HSPA12A: variants seen among roughly 807,000 people sequenced by gnomAD.
HSPA12A encodes heat shock protein family A (Hsp70) member 12A.
A neutral mutation model predicts 69.2 loss-of-function variants in HSPA12A; 28 were observed. The ratio of observed to expected loss-of-function variants is 0.40; its 90% CI spans 0.30 to 0.55. The LOEUF (loss-of-function observed/expected upper bound fraction) is 0.55. Among genes scored for constraint, HSPA12A ranks in the 20% least tolerant of loss-of-function variants. The pLI, the probability that HSPA12A is intolerant of heterozygous loss-of-function variation, is 0.38. For synonymous variants in HSPA12A, 345 were observed against 370.5 expected (o/e 0.93, Z 0.79); for missense variants, 686 against 900.7 (o/e 0.76, Z 3.05).
At chr10:116,715,185 CAG>C (rs1391733549) in intron 1 of HSPA12A, among the ~76,000 whole-genome samples, 2 of 152,192 alleles carry the variant, frequency 1.3e-5, no homozygotes, top group Non-Finnish European at 2.9e-5. Context: ...GTCTCACCCC[CAG>C]AGTTTCTCAT....
At chr10:116,752,483 C>T (rs1263496886) in intron 2 of HSPA12A, among the ~76,000 whole-genome samples, 1 of 152,186 alleles carries the variant, frequency 6.6e-6, no homozygotes, top group Non-Finnish European at 1.5e-5. Flanking sequence ...TGTGCTGCAA[C>T]ATAAAATCTA....
At chr10:116,755,603 C>T (rs1402567529) in intron 2 of HSPA12A, among the ~76,000 whole-genome samples, 2 of 117,412 alleles carry the variant, frequency 1.7e-5, no homozygotes, top group African/African-American at 7.0e-5. Flanking sequence ...AAGAGTGAGA[C>T]TGTCTCAAAA....
At chr10:116,746,823 CTTTTA>C (rs1464522870), upstream of HSPA12A, among the ~76,000 whole-genome samples, 2 of 152,098 alleles carry the variant, frequency 1.3e-5, no homozygotes, top group Non-Finnish European at 2.9e-5. Context: ...TTTAATTTTT[CTTTTA>C]TGTTTTTGTT....
chr10:116,775,238 C>T (rs1844309510), intron 2 of HSPA12A, among the ~76,000 whole-genome samples: 1 of 152,210 alleles, frequency 6.6e-6, no homozygotes, highest in African/African-American at 2.4e-5. Context: ...CCTCAGGACT[C>T]CCATTTTACA....
intron 1 of HSPA12A, among the ~76,000 whole-genome samples, chr10:116,714,092 T>A (rs925017325): frequency 6.6e-6 from 1 of 151,298 alleles, no homozygotes. Flanking sequence ...AGTGGATGGA[T>A]GGACGGATGG....
At chr10:116,707,588 G>A (rs1452052267) in intron 1 of HSPA12A, among the ~76,000 whole-genome samples, 1 of 152,200 alleles carries the variant, frequency 6.6e-6, no homozygotes, top group Non-Finnish European at 1.5e-5. Context: ...CGAAAGCTCC[G>A]CTCCTGGCTG....
rs1347026554 is a variant in HSPA12A at position 116,723,413 on chromosome 10, G to A, written c.41-16128C>T. Among the ~76,000 whole-genome samples the A allele has an allele frequency of 2.6e-5, 4 of 152,170 alleles. No homozygotes were observed. Among genetic ancestry groups the A allele is most frequent in the Non-Finnish European group, 5.9e-5 (4 of 68,024 alleles). On this transcript the variant is annotated intron_variant, in intron 1 of 11. Coordinates refer to ENST00000369209, the MANE Select transcript of HSPA12A (RefSeq NM_025015.3). This position sits in a 1 kb window ranked among gnomAD's most constrained non-coding sequence, Gnocchi z 4.1. ...GCACAGCCCCAAGCTGTTCTTCCAG[G>A]GGCAGGGGACGGGGCTGAGGACCCC...
chr10:116,742,949 G>GC, upstream of HSPA12A, among the ~76,000 whole-genome samples: 1 of 152,262 alleles, frequency 6.6e-6, no homozygotes, highest in African/African-American at 2.4e-5. Flanking sequence ...AGCCCAGCGC[G>GC]CCCGGCGCTC....
chr10:116,742,424 G>C lies in HSPA12A; in HGVS notation c.40+6C>G. ...CGCGGCCGCAGGACCCGCAGCCTGC[G>C]CTCACCTCGGGGCCCGTCGCTGCCG... On this transcript the variant is annotated splice_donor_region_variant and intron_variant, in intron 1 of 11. Coordinates refer to ENST00000369209, the MANE Select transcript of HSPA12A (RefSeq NM_025015.3). The C allele has an allele frequency of 7.0e-7, 1 of 1,434,122 alleles. No homozygotes were observed. Among genetic ancestry groups the C allele is most frequent in the South Asian group, 1.3e-5 (1 of 75,200 alleles). The allele number at this position is 1,434,122 out of a possible 1,614,324, so 88.8% of individuals were successfully genotyped here.
At position 116,672,330 on chromosome 10, in the gene HSPA12A, T is replaced by C. The variant is rs1246810906; in HGVS notation, c.*2451A>G. On this transcript the variant is annotated 3_prime_UTR_variant, in exon 12 of 12. Transcript: ENST00000369209. ...TCTTAGGTTGTTCTGCGCAGTCACA[T>C]GGCTTCCAGAACCAGAACGTTCAGC... The C allele has an allele frequency of 1.3e-5, 2 of 152,226 alleles. No individual in the cohort carries two copies. The highest frequency in any genetic ancestry group is 2.9e-5 in the Non-Finnish European group (2 of 68,040). 9.4% of individuals were successfully genotyped at this position (152,226 alleles called of 1,614,324 possible).
At chr10:116,849,976 T>A (rs117310842), upstream of HSPA12A, 8,341 of 682,600 alleles carry the variant, frequency 0.012, 71 homozygotes, top group Non-Finnish European at 0.018. Flanking sequence ...GCTAGGCGTA[T>A]TTGACCTGCA....
chr10:116,686,158 A>G lies in HSPA12A; in HGVS notation c.664-2196T>C, dbSNP rs1470765117. 1.3e-5 allele frequency among the ~76,000 whole-genome samples: 2 copies of G among 152,152 alleles called. No individual in the cohort carries two copies. Among genetic ancestry groups the G allele is most frequent in the Non-Finnish European group, 2.9e-5 (2 of 68,038 alleles). ...TCACAGGGTCACATTAGACATCCTT[A>G]GCACAAACATGGCTGGAGGTTAAAG... On this transcript the variant is annotated intron_variant, in intron 6 of 11. Coordinates refer to ENST00000369209, the MANE Select transcript of HSPA12A (RefSeq NM_025015.3). The surrounding 1 kb of genome is among the most constrained non-coding windows in gnomAD (Gnocchi z 4.1).
intron 1 of HSPA12A, among the ~76,000 whole-genome samples, chr10:116,736,648 G>A (rs553779778): frequency 5.8e-4 from 89 of 152,320 alleles, no homozygotes; most frequent in Non-Finnish European, 1.0e-3. Flanking sequence ...AGGGGCTGGA[G>A]TGATGGGCTT....
intron 2 of HSPA12A, among the ~76,000 whole-genome samples, chr10:116,760,106 A>C (rs543786394): frequency 1.3e-5 from 2 of 152,222 alleles, no homozygotes; most frequent in Non-Finnish European, 2.9e-5. Flanking sequence ...TCATTCTGCC[A>C]GAGCAGCACC....
chr10:116,733,785 T>G (rs1851231973), intron 1 of HSPA12A, among the ~76,000 whole-genome samples: 1 of 152,200 alleles, frequency 6.6e-6, no homozygotes. Flanking sequence ...AAATATTTTT[T>G]AAATGAACAC....
At chr10:116,727,084 T>C in intron 1 of HSPA12A, among the ~76,000 whole-genome samples, 1 of 152,372 alleles carries the variant, frequency 6.6e-6, no homozygotes, top group Middle Eastern at 3.4e-3. Flanking sequence ...ACCTATCATC[T>C]GCTACTATAT....
intron 5 of HSPA12A, 74 bp from the exon 6 acceptor site, chr10:116,692,541 G>A: frequency 8.9e-7 from 1 of 1,121,916 alleles, no homozygotes; most frequent in South Asian, 1.3e-5. Flanking sequence ...TGGCTTCACT[G>A]AACCCAGGCT....
upstream of HSPA12A, among the ~76,000 whole-genome samples, chr10:116,745,934 CTA>C (rs1851637899): frequency 6.6e-6 from 1 of 152,180 alleles, no homozygotes; most frequent in Non-Finnish European, 1.5e-5. Context: ...AGTGCTGAGA[CTA>C]GACCTCTGAG....
chr10:116,773,541 C>T (rs1440236926), intron 2 of HSPA12A, among the ~76,000 whole-genome samples: 1 of 152,236 alleles, frequency 6.6e-6, no homozygotes, highest in African/African-American at 2.4e-5. Flanking sequence ...TCTGTCACCT[C>T]TGAACCTCAC....
Sources: allele counts gnomAD v4.1 joint callset (sites outside exome capture counted in the v4.1 genomes callset), GRCh38; gene constraint gnomAD v4.1.1; non-coding constraint Gnocchi (gnomAD v3.1); transcripts MANE v1.5; gene names NCBI Gene and HGNC (gene_info 2026-07-23, HGNC 2026-07-21).